SIK3: variants seen among roughly 807,000 people sequenced by gnomAD.
SIK3 encodes the protein serine/threonine-protein kinase SIK3.
Under a neutral mutation model 144.2 loss-of-function variants are expected in SIK3, and 28 were observed. The observed-to-expected ratio is 0.19, with a 90% CI of 0.14 to 0.27. SIK3 has a LOEUF of 0.27. SIK3 is among the 10% of genes least tolerant of loss of function. The probability of loss-of-function intolerance (pLI) is 1.00; values close to 1 mark genes in which losing one functional copy is unlikely to be tolerated. For synonymous variants in SIK3, 686 were observed against 676.3 expected, an observed-to-expected ratio of 1.01 and a Z score of -0.22; for missense variants, 1,319 against 1,776.0, an observed-to-expected ratio of 0.74 and a Z score of 4.62.
At chr11:116,974,467 G>A (rs1211664125) in intron 1 of SIK3, among the ~76,000 whole-genome samples, 1 of 152,066 alleles carries the variant, frequency 6.6e-6, no homozygotes, top group Admixed American at 6.5e-5. Flanking sequence ...ACAGTGGCAC[G>A]ATCACAGTTC....
chr11:116,927,980 CT>C (rs1357762328), intron 3 of SIK3, among the ~76,000 whole-genome samples: 2 of 152,212 alleles, frequency 1.3e-5, no homozygotes, highest in African/African-American at 2.4e-5. Flanking sequence ...ATCTTTATAT[CT>C]GCATTTATGG....
chr11:116,980,785 G>A (rs1950113560), intron 1 of SIK3, among the ~76,000 whole-genome samples: 1 of 152,006 alleles, frequency 6.6e-6, no homozygotes, highest in Non-Finnish European at 1.5e-5. Context: ...CTAGGAGGCG[G>A]AGGCTGCAGT....
chr11:116,913,621 A>G (rs1259047486), intron 4 of SIK3, among the ~76,000 whole-genome samples: 1 of 152,250 alleles, frequency 6.6e-6, no homozygotes, highest in Non-Finnish European at 1.5e-5. Flanking sequence ...ACTCATCGGA[A>G]TTCTTAAAAA....
At chr11:116,872,190 G>T (rs149761025) in intron 13 of SIK3, among the ~76,000 whole-genome samples, 9 of 152,340 alleles carry the variant, frequency 5.9e-5, no homozygotes, top group Non-Finnish European at 1.5e-5. Context: ...GAAAAAAGAA[G>T]TCAACAGTGA....
At chr11:117,081,135 T>C (rs1954765520) in intron 1 of SIK3, among the ~76,000 whole-genome samples, 1 of 151,872 alleles carries the variant, frequency 6.6e-6, no homozygotes, top group East Asian at 1.9e-4. Flanking sequence ...AACTAGATTG[T>C]GGTATGTTCC....
At chr11:117,086,434 A>T (rs1286930257) in intron 1 of SIK3, among the ~76,000 whole-genome samples, 1 of 152,186 alleles carries the variant, frequency 6.6e-6, no homozygotes, top group African/African-American at 2.4e-5. Context: ...GCTCACGCCT[A>T]TAATCCCAGC....
chr11:116,926,593 TTAG>T (rs1459166884), intron 4 of SIK3, among the ~76,000 whole-genome samples: 2 of 152,320 alleles, frequency 1.3e-5, no homozygotes, highest in East Asian at 3.9e-4. Flanking sequence ...GTATACAATT[TTAG>T]TAGTTTTCCT....
intron 2 of SIK3, 52 bp from the exon 3 acceptor site, chr11:116,954,159 A>T (rs749938196): frequency 6.8e-7 from 1 of 1,462,888 alleles, no homozygotes; most frequent in Admixed American, 1.7e-5. Flanking sequence ...ACAGGCTGAT[A>T]CAGGAAGATA....
chr11:116,957,656 G>A (rs1475340055), intron 1 of SIK3, among the ~76,000 whole-genome samples: 2 of 152,036 alleles, frequency 1.3e-5, no homozygotes, highest in African/African-American at 2.4e-5. Flanking sequence ...TTAGTGGTTT[G>A]GAAGTACTAA....
At chr11:116,950,488 TA>T (rs1410036442) in intron 3 of SIK3, among the ~76,000 whole-genome samples, 1 of 152,226 alleles carries the variant, frequency 6.6e-6, no homozygotes, top group Admixed American at 6.5e-5. Flanking sequence ...CAGCCCAGTC[TA>T]AAATCTTTAA....
In SIK3 at chr11:117,053,709, C is replaced by G. The variant is rs1174458917; in HGVS notation, c.273+44434G>C. 8.0e-5 allele frequency among the ~76,000 whole-genome samples: 12 copies of G among 150,822 alleles called. No homozygotes were observed. The East Asian group carries it at 2.4e-3, about 30-fold the overall frequency. Reference sequence around the variant, plus strand: ...TTACTCTGTCACCCAGGCTGGAGCACAATCATGGCTCACTGCAGCCTCAAA... The same window carrying G: ...TTACTCTGTCACCCAGGCTGGAGCAGAATCATGGCTCACTGCAGCCTCAAA... On this transcript the variant is annotated intron_variant, in intron 1 of 24. Transcript: ENST00000445177.
At chr11:117,024,257 G>C (rs1461534955) in intron 1 of SIK3, among the ~76,000 whole-genome samples, 1 of 148,590 alleles carries the variant, frequency 6.7e-6, no homozygotes, top group African/African-American at 2.5e-5. Context: ...TTTGTCAGTT[G>C]ATTTTCAGCT....
chr11:117,083,613 G>A (rs547638641), intron 1 of SIK3, among the ~76,000 whole-genome samples: 2 of 152,182 alleles, frequency 1.3e-5, no homozygotes, highest in South Asian at 2.1e-4. Context: ...AACTATTGTC[G>A]GAATGCTGCT....
At chr11:116,922,391 T>A (rs1318349688) in intron 4 of SIK3, among the ~76,000 whole-genome samples, 1 of 152,070 alleles carries the variant, frequency 6.6e-6, no homozygotes, top group Non-Finnish European at 1.5e-5. Context: ...CTTGGGAGGC[T>A]GAGGCAGGAG....
At chr11:116,862,123 T>C in intron 17 of SIK3, 79 bp downstream of exon 17, 1 of 1,600,070 alleles carries the variant, frequency 6.2e-7, no homozygotes, top group Non-Finnish European at 8.6e-7. Flanking sequence ...CACTGAGTGG[T>C]CTCCTCCAAA....
Position 116,881,124 on chromosome 11 carries a change from T to TA in SIK3, c.866-4083dup, listed in dbSNP as rs533819946. ...GGGCGACAGAGCGAGACTCCGTCTC[T>TA]AAAAAAATAAATAAATAAAATAAAT... On this transcript the variant is annotated intron_variant, in intron 6 of 24. Coordinates refer to ENST00000445177, the MANE Select transcript of SIK3 (RefSeq NM_001366686.3). 1.7e-3 allele frequency among the ~76,000 whole-genome samples: 260 copies of TA among 151,660 alleles called. 1 individual carries two copies. The highest frequency in any genetic ancestry group is 3.4e-3 in the Middle Eastern group (1 of 292).
intron 4 of SIK3, among the ~76,000 whole-genome samples, chr11:116,900,818 T>C (rs1945694255): frequency 6.6e-6 from 1 of 152,166 alleles, no homozygotes; most frequent in South Asian, 2.1e-4. Context: ...TTTACGCCTC[T>C]ACATCCCATT....
At position 117,013,901 on chromosome 11, in the gene SIK3, GGGGGGGGGGGGAGGGTGTGT is replaced by G. The variant is rs1286871797; in HGVS notation, c.274-56857_274-56838del. On this transcript the variant is annotated intron_variant, in intron 1 of 24. Coordinates refer to ENST00000445177, the MANE Select transcript of SIK3 (RefSeq NM_001366686.3). ...TGGATATAAGTCTCCAGATTCTGAG[GGGGGGGGGGGGAGGGTGTGT>G]GTGTGTGTGTGTGTGTGTGTGTGTG... 1.0e-4 allele frequency among the ~76,000 whole-genome samples: 6 copies of G among 59,796 alleles called. 2 individuals are homozygous for G. Among genetic ancestry groups the G allele is most frequent in the Non-Finnish European group, 2.3e-4 (6 of 26,516 alleles). 39.2% of individuals were successfully genotyped at this position (59,796 alleles called of 152,430 possible). A position where few individuals can be genotyped will look rare whatever the true frequency, so the allele number is the denominator to read the frequency against.
chr11:117,094,226 C>T (rs77374709), intron 1 of SIK3, among the ~76,000 whole-genome samples: 3,742 of 152,288 alleles, frequency 0.025, 85 homozygotes, highest in South Asian at 0.11. Flanking sequence ...AAACCAATAA[C>T]AGGCAAGTGA....
Sources: allele counts gnomAD v4.1 joint callset (sites outside exome capture counted in the v4.1 genomes callset), GRCh38; gene constraint gnomAD v4.1.1; transcripts MANE v1.5; gene names NCBI Gene and HGNC (gene_info 2026-07-23, HGNC 2026-07-21).